The following IBTK variants were observed in gnomAD, a reference collection of about 807,000 sequenced individuals.
The protein encoded by IBTK is inhibitor of Bruton tyrosine kinase.
A neutral mutation model predicts 154.9 loss-of-function variants in IBTK; 83 were observed. That is an observed-to-expected ratio of 0.54 (90% CI 0.45 to 0.64). The LOEUF (loss-of-function observed/expected upper bound fraction) is 0.64, where lower values mean the gene tolerates loss of function less well. IBTK is among the 30% of genes least tolerant of loss of function. The probability of loss-of-function intolerance (pLI) is 0.00; values close to 1 mark genes in which losing one functional copy is unlikely to be tolerated. For missense variants in IBTK, 1,332 were observed against 1,584.6 expected, an observed-to-expected ratio of 0.84 and a Z score of 2.71; for synonymous variants, 515 against 536.1, an observed-to-expected ratio of 0.96 and a Z score of 0.54.
intron 9 of IBTK, among the ~76,000 whole-genome samples, chr6:82,218,370 TCAAA>T (rs1769948516): frequency 6.6e-6 from 1 of 152,152 alleles, no homozygotes; most frequent in Non-Finnish European, 1.5e-5. Context: ...AGAAATTATT[TCAAA>T]GGCACTCCTC....
chr6:82,245,544 G>A (rs1479386101), intron 1 of IBTK, among the ~76,000 whole-genome samples: 4 of 151,972 alleles, frequency 2.6e-5, no homozygotes, highest in Admixed American at 6.5e-5. Flanking sequence ...GCGACTGAGC[G>A]AGACTCCTTC....
At chr6:82,201,620 C>T in intron 18 of IBTK, 138 bp from the exon 19 acceptor site, 1 of 498,800 alleles carries the variant, frequency 2.0e-6, no homozygotes, top group Non-Finnish European at 3.5e-6. Flanking sequence ...GCAGTTGCTA[C>T]AAATTCCTTT....
At chr6:82,206,005 A>C (rs557584946) in intron 16 of IBTK, 1 of 152,344 alleles carries the variant, frequency 6.6e-6, no homozygotes, top group African/African-American at 2.4e-5. Context: ...TCCTCTAAAA[A>C]AAAACAGACA....
intron 6 of IBTK, among the ~76,000 whole-genome samples, chr6:82,224,717 G>A (rs781049392): frequency 1.3e-5 from 2 of 152,176 alleles, no homozygotes; most frequent in Non-Finnish European, 1.5e-5. Flanking sequence ...AACTTGTCAC[G>A]TGTGATATCT....
chr6:82,175,328 T>C (rs574425613), intron 26 of IBTK, among the ~76,000 whole-genome samples: 1 of 152,308 alleles, frequency 6.6e-6, no homozygotes, highest in Non-Finnish European at 1.5e-5. Flanking sequence ...TAAGCCTGCA[T>C]GATAGGTATT....
intron 5 of IBTK, 77 bp downstream of exon 5, chr6:82,227,115 A>AAG: frequency 1.0e-6 from 1 of 976,142 alleles, no homozygotes; most frequent in Non-Finnish European, 1.6e-6. Context: ...TTGAAAAAAA[A>AAG]ATTTAGTTAA....
chr6:82,233,308 C>T (rs548078393), intron 3 of IBTK, among the ~76,000 whole-genome samples: 45 of 152,156 alleles, frequency 3.0e-4, no homozygotes, highest in African/African-American at 1.1e-3. Flanking sequence ...GCCTGACTGA[C>T]AAAGCGAGAC....
rs746221221 is a variant in IBTK at position 82,231,862 on chromosome 6, T to TTA, written c.419-22_419-21dup. The TTA allele has an allele frequency of 7.2e-7, 1 of 1,389,714 alleles. No individual in the cohort carries two copies. The highest frequency in any genetic ancestry group is 2.1e-5 in the Admixed American group (1 of 47,114). The allele number at this position is 1,389,714 out of a possible 1,614,324, so 86.1% of individuals were successfully genotyped here. A position where few individuals can be genotyped will look rare whatever the true frequency, so the allele number is the denominator to read the frequency against. On this transcript the variant is annotated intron_variant, in intron 3 of 28. Coordinates refer to ENST00000306270, the MANE Select transcript of IBTK (RefSeq NM_015525.4). ...TAGGATCTAAAATAAAAATTAGTTT[T>TTA]TATACTTTTTTATATTTTAAAACAC... is the stretch of plus-strand genomic sequence containing the variant.
intron 2 of IBTK, among the ~76,000 whole-genome samples, chr6:82,239,704 G>A: frequency 6.8e-6 from 1 of 146,596 alleles, no homozygotes. Flanking sequence ...TATTTTCTTT[G>A]TCTTTATTCT....
At chr6:82,244,859 A>C (rs1341478533) in intron 1 of IBTK, among the ~76,000 whole-genome samples, 1 of 152,094 alleles carries the variant, frequency 6.6e-6, no homozygotes, top group Non-Finnish European at 1.5e-5. Context: ...CTTCAAATAC[A>C]GATCTGTTTA....
Position 82,210,817 on chromosome 6 carries a change from T to C in IBTK, c.2506A>G (p.Lys836Glu). The C allele has an allele frequency of 7.0e-7, 1 of 1,423,864 alleles. No individual in the cohort carries two copies. The highest frequency in any genetic ancestry group is 1.4e-5 in the South Asian group (1 of 72,946). The allele number at this position is 1,423,864 out of a possible 1,614,324, so 88.2% of individuals were successfully genotyped here. The change falls in exon 16 of 29, where the codon AAA becomes GAA. Residue 836 changes from lysine to glutamate, a missense_variant. Lys to Glu is a moderately conservative substitution (Grantham distance 56). Transcript: ENST00000306270. ...YLYTDEAVVI[K>E]ESQNVDFICS... is the part of the protein sequence containing the mutation. Reference sequence around the variant, plus strand: ...ATGTCCTAACTCTTATTAATACCTTTTATCACCACAGCTTCATCAGTATAG... The same window carrying C: ...ATGTCCTAACTCTTATTAATACCTTCTATCACCACAGCTTCATCAGTATAG...
At chr6:82,194,305 TG>T (rs989645361) in intron 23 of IBTK, among the ~76,000 whole-genome samples, 173 bp downstream of exon 23, 7 of 152,104 alleles carry the variant, frequency 4.6e-5, no homozygotes, top group African/African-American at 1.4e-4. Context: ...TGGGGTTGGT[TG>T]GGGGGGAAGC....
intron 2 of IBTK, among the ~76,000 whole-genome samples, chr6:82,235,260 G>A (rs766934966): frequency 1.3e-5 from 2 of 152,082 alleles, no homozygotes; most frequent in Non-Finnish European, 2.9e-5. Flanking sequence ...GTCTGTGTGG[G>A]AGTGCATCTG....
At position 82,214,331 on chromosome 6, in the gene IBTK, G is replaced by A; in HGVS notation, c.2100C>T (p.Ser700=). The A allele has an allele frequency of 6.2e-7, 1 of 1,613,988 alleles. No homozygotes were observed. Among genetic ancestry groups the A allele is most frequent in the Non-Finnish European group, 8.5e-7 (1 of 1,179,964 alleles). The part of the protein sequence containing the change: ...QAQTVSERQK[S]KPKSCKKGKN... Reference sequence around the variant, plus strand: ...TTCCTTTTTTACAAGATTTAGGTTTGCTCTTCTGCCTCTCACTAACTGTTT... The same window carrying A: ...TTCCTTTTTTACAAGATTTAGGTTTACTCTTCTGCCTCTCACTAACTGTTT... The change falls in exon 12 of 29, where the codon AGC becomes AGT. Residue 700 remains serine, a synonymous_variant. Coordinates refer to ENST00000306270, the MANE Select transcript of IBTK (RefSeq NM_015525.4).
At position 82,180,900 on chromosome 6, in the gene IBTK, C is replaced by T. The variant is rs865858345; in HGVS notation, c.3725+979G>A. Among the ~76,000 whole-genome samples the T allele has an allele frequency of 9.8e-4, 141 of 143,482 alleles. 1 individual carries two copies. Among genetic ancestry groups the T allele is most frequent in the African/African-American group, 4.0e-3 (135 of 33,394 alleles). 94.1% of individuals were successfully genotyped at this position (143,482 alleles called of 152,430 possible). A position where few individuals can be genotyped will look rare whatever the true frequency, so the allele number is the denominator to read the frequency against. On this transcript the variant is annotated intron_variant, in intron 26 of 28. Coordinates refer to ENST00000306270, the MANE Select transcript of IBTK (RefSeq NM_015525.4). ...ATCTGTTTGATGCACTTGAATTGGA[C>T]ATAACATATCTTACTTATTTTGTTT...
chr6:82,238,250 AAAT>A (rs1325417307), intron 2 of IBTK, among the ~76,000 whole-genome samples: 1 of 152,010 alleles, frequency 6.6e-6, no homozygotes, highest in African/African-American at 2.4e-5. Context: ...TCGCAAAAAA[AAAT>A]AATAATAAAA....
intron 25 of IBTK, among the ~76,000 whole-genome samples, chr6:82,182,937 C>A (rs1372183892): frequency 6.6e-6 from 1 of 152,138 alleles, no homozygotes; most frequent in Non-Finnish European, 1.5e-5. Context: ...ATAGCCCTGG[C>A]CAAACCTTGA....
At chr6:82,242,595 C>T (rs1005730987) in intron 1 of IBTK, among the ~76,000 whole-genome samples, 12 of 152,214 alleles carry the variant, frequency 7.9e-5, no homozygotes, top group African/African-American at 2.9e-4. Context: ...AAATCATCTC[C>T]CCCTTAAAAC....
At chr6:82,204,533 G>T (rs1218951699) in intron 17 of IBTK, among the ~76,000 whole-genome samples, 1 of 152,110 alleles carries the variant, frequency 6.6e-6, no homozygotes, top group Admixed American at 6.5e-5. Context: ...GCCAAGATCA[G>T]GGCAAGAGTA....
Sources: gnomAD v4.1 joint callset for allele counts (sites outside exome capture counted in the v4.1 genomes callset) on GRCh38, gnomAD v4.1.1 for gene constraint, MANE v1.5 for transcripts, NCBI Gene and HGNC (gene_info 2026-07-23, HGNC 2026-07-21) for gene names.